Variants in FGF14 observed in about 807,000 individuals in gnomAD.
The protein encoded by FGF14 is fibroblast growth factor 14.
FGF14 carries 5 observed loss-of-function variants against 25.5 expected under a neutral mutation model. The observed-to-expected ratio is 0.20, with a 90% CI of 0.10 to 0.41. The LOEUF (loss-of-function observed/expected upper bound fraction) is 0.41. Ranked by LOEUF, FGF14 falls within the 10% of genes least tolerant of loss-of-function variation. The probability of loss-of-function intolerance (pLI) is 1.00; values close to 1 mark genes in which losing one functional copy is unlikely to be tolerated. For missense variants in FGF14, 222 were observed against 320.1 expected (o/e 0.69, Z 2.34); for synonymous variants, 138 against 118.3 (o/e 1.17, Z -1.08).
At chr13:102,250,527 T>A (rs1000602500) in intron 1 of FGF14, among the ~76,000 whole-genome samples, 1 of 152,026 alleles carries the variant, frequency 6.6e-6, no homozygotes. Context: ...CAAAGTGGAG[T>A]TGATTTTTAA....
chr13:102,154,942 C>A (rs2047258476), intron 1 of FGF14, among the ~76,000 whole-genome samples: 1 of 152,076 alleles, frequency 6.6e-6, no homozygotes, highest in African/African-American at 2.4e-5. Flanking sequence ...GTAAAAGGAT[C>A]AATTCAACAA....
At chr13:101,789,909 A>G (rs2040134462) in intron 3 of FGF14, among the ~76,000 whole-genome samples, 1 of 151,628 alleles carries the variant, frequency 6.6e-6, no homozygotes, top group African/African-American at 2.4e-5. Context: ...TCATATTATT[A>G]TTAATAATAA....
chr13:102,399,004 C>T (rs561219372), intron 1 of FGF14, among the ~76,000 whole-genome samples: 2 of 151,840 alleles, frequency 1.3e-5, no homozygotes, highest in African/African-American at 4.8e-5. Flanking sequence ...CTTAGATACA[C>T]TTTGAGTTAG....
At chr13:102,287,515 G>A (rs554186623) in intron 1 of FGF14, among the ~76,000 whole-genome samples, 6 of 152,000 alleles carry the variant, frequency 3.9e-5, no homozygotes, top group East Asian at 3.9e-4. Context: ...AAATGTTTTC[G>A]ACTTGTGTTT....
Position 102,374,642 on chromosome 13 carries a change from TTTTATATATATATATATATATA to T in FGF14, c.208+26807_208+26828del, listed in dbSNP as rs2057983478. 6.3e-5 allele frequency among the ~76,000 whole-genome samples: 6 copies of T among 95,650 alleles called. 1 individual carries two copies. Among genetic ancestry groups the T allele is most frequent in the South Asian group, 7.0e-4 (2 of 2,866 alleles). The allele number at this position is 95,650 out of a possible 152,430, so 62.8% of individuals were successfully genotyped here. A position where few individuals can be genotyped will look rare whatever the true frequency, so the allele number is the denominator to read the frequency against. ...TATTTTTTAATACATATCTTACATA[TTTTATATATATATATATATATA>T]TATATATATATATATATATATATAT... On this transcript the variant is annotated intron_variant, in intron 1 of 4. Coordinates refer to the FGF14 transcript ENST00000376131.
intron 1 of FGF14, among the ~76,000 whole-genome samples, chr13:102,057,302 A>G (rs76112248): frequency 0.013 from 2,027 of 152,278 alleles, 58 homozygotes; most frequent in African/African-American, 0.046. Context: ...TTTAATGAAT[A>G]TTTTACAAAT....
chr13:102,376,999 G>C (rs953795763), intron 1 of FGF14, among the ~76,000 whole-genome samples: 14 of 152,106 alleles, frequency 9.2e-5, no homozygotes, highest in Non-Finnish European at 1.6e-4. Context: ...TACCACCCAA[G>C]ACAGGATGCT....
chr13:101,726,777 A>T lies in FGF14; in HGVS notation c.442T>A (p.Ser148Thr). The T allele has an allele frequency of 6.2e-7, 1 of 1,612,180 alleles. No individual in the cohort carries two copies. The highest frequency in any genetic ancestry group is 8.5e-7 in the Non-Finnish European group (1 of 1,179,190). Residue 148 changes from serine to threonine, a missense_variant, in exon 4 of 5, where the codon TCT (serine) becomes ACT (threonine). Ser to Thr is a moderately conservative substitution (Grantham distance 58). Coordinates refer to ENST00000376143, the MANE Select transcript of FGF14 (RefSeq NM_004115.4). ...ATTACATAATAATTTTCAAAAACAGATTCTTTAAACTTGCATTCAGGGGTA... is the reference window on the plus strand; with the variant it reads ...ATTACATAATAATTTTCAAAAACAGTTTCTTTAAACTTGCATTCAGGGGTA... ...LFTPECKFKE[S>T]VFENYYVIYS...
chr13:102,069,432 C>G (rs997426416), intron 1 of FGF14, among the ~76,000 whole-genome samples: 1 of 152,300 alleles, frequency 6.6e-6, no homozygotes, highest in South Asian at 2.1e-4. Context: ...GCAACCCGCT[C>G]GGGTCCCCTT....
intron 1 of FGF14, among the ~76,000 whole-genome samples, chr13:101,998,455 A>G (rs555973036): frequency 5.9e-5 from 9 of 152,324 alleles, no homozygotes; most frequent in African/African-American, 2.2e-4. Flanking sequence ...GGTGCTATTA[A>G]TTACAGTGGG....
chr13:101,763,348 G>T (rs926387127), intron 3 of FGF14, among the ~76,000 whole-genome samples: 3 of 152,200 alleles, frequency 2.0e-5, no homozygotes, highest in Admixed American at 6.5e-5. Flanking sequence ...TGGCTGGAAT[G>T]TACCACTGTC....
chr13:102,179,342 G>T (rs923421707), intron 1 of FGF14, among the ~76,000 whole-genome samples: 1 of 151,914 alleles, frequency 6.6e-6, no homozygotes, highest in Admixed American at 6.6e-5. Flanking sequence ...CAGTCACTTC[G>T]TTCACTCCTG....
Position 102,195,605 on chromosome 13 carries a change from T to C in FGF14, c.208+205866A>G, listed in dbSNP as rs116250175. Among the ~76,000 whole-genome samples, 1,057 of 151,172 alleles carry C rather than the reference T, an allele frequency of 7.0e-3. 14 individuals carry two copies. Among genetic ancestry groups the C allele is most frequent in the African/African-American group, 0.024 (1,003 of 41,306 alleles). Reference sequence around the variant, plus strand: ...AAACAAACAAACAAAAAAAGACATATAGAACACATGTGCCTGGACAACATG... The same window carrying C: ...AAACAAACAAACAAAAAAAGACATACAGAACACATGTGCCTGGACAACATG... On this transcript the variant is annotated intron_variant, in intron 1 of 4. Coordinates refer to the FGF14 transcript ENST00000376131.
rs555557904 is a variant in FGF14 at position 102,300,725 on chromosome 13, C to T, written c.208+100746G>A. On this transcript the variant is annotated intron_variant, in intron 1 of 4. Transcript: ENST00000376131. ...ACCATATCTGGCACAAGAAGATACA[C>T]AGTGCATATTTGTTGACTAAAGTTA... Among the ~76,000 whole-genome samples the T allele has an allele frequency of 2.8e-4, 42 of 152,206 alleles. 1 individual carries two copies. In the South Asian group the frequency reaches 5.2e-3, roughly 19 times the overall value.
chr13:101,944,981 G>C (rs776492058), intron 1 of FGF14, among the ~76,000 whole-genome samples: 1 of 152,150 alleles, frequency 6.6e-6, no homozygotes, highest in Non-Finnish European at 1.5e-5. Flanking sequence ...ATGGTTGCAA[G>C]ACAATGTGAA....
At chr13:102,157,621 C>A (rs538760221) in intron 1 of FGF14, among the ~76,000 whole-genome samples, 18 of 152,236 alleles carry the variant, frequency 1.2e-4, no homozygotes, top group African/African-American at 4.1e-4. Context: ...GTCTAAAACA[C>A]CAAAAGCAAT....
intron 1 of FGF14, among the ~76,000 whole-genome samples, chr13:102,070,277 G>C (rs2043102154): frequency 6.6e-6 from 1 of 152,162 alleles, no homozygotes; most frequent in Non-Finnish European, 1.5e-5. Flanking sequence ...TATATGTAAA[G>C]GTGGTCAATA....
At chr13:101,988,772 G>A (rs1398500315) in intron 1 of FGF14, among the ~76,000 whole-genome samples, 1 of 151,242 alleles carries the variant, frequency 6.6e-6, no homozygotes, top group African/African-American at 2.4e-5. Flanking sequence ...TGAGTTAATG[G>A]GTGCAGCACA....
chr13:102,101,622 A>G (rs1417456700), intron 1 of FGF14, among the ~76,000 whole-genome samples: 1 of 152,208 alleles, frequency 6.6e-6, no homozygotes, highest in Admixed American at 6.5e-5. Context: ...CAAAGAGTCT[A>G]AAAACTTGTA....
Sources: allele counts gnomAD v4.1 joint callset (sites outside exome capture counted in the v4.1 genomes callset), GRCh38; gene constraint gnomAD v4.1.1; transcripts MANE v1.5; gene names NCBI Gene and HGNC (gene_info 2026-07-23, HGNC 2026-07-21).